The following NFIB variants were observed in gnomAD, a reference collection of about 807,000 sequenced individuals.
NFIB encodes nuclear factor I B.
NFIB carries 11 observed loss-of-function variants against 61.5 expected under a neutral mutation model. The ratio of observed to expected loss-of-function variants is 0.18; its 90% CI spans 0.11 to 0.30. The LOEUF (loss-of-function observed/expected upper bound fraction) is 0.30, where lower values mean the gene tolerates loss of function less well. NFIB is among the 10% of genes least tolerant of loss of function. The pLI is 1.00. For missense variants in NFIB, 471 were observed against 608.9 expected (o/e 0.77, Z 2.38); for synonymous variants, 260 against 216.5 (o/e 1.20, Z -1.76).
chr9:14,406,064 G>T, the NFIB span, among the ~76,000 whole-genome samples: 1 of 152,144 alleles, frequency 6.6e-6, no homozygotes, highest in Non-Finnish European at 1.5e-5. Context: ...AGCCTCCTAG[G>T]AGGGTGTATT....
At chr9:14,114,904 C>T (rs1563798936) in intron 9 of NFIB, among the ~76,000 whole-genome samples, 1 of 152,202 alleles carries the variant, frequency 6.6e-6, no homozygotes, top group Non-Finnish European at 1.5e-5. Flanking sequence ...AAGACATCCA[C>T]TTTTAAAATG....
chr9:14,114,629 C>G (rs939202132), intron 9 of NFIB, among the ~76,000 whole-genome samples: 1 of 152,148 alleles, frequency 6.6e-6, no homozygotes, highest in East Asian at 1.9e-4. Flanking sequence ...CAAATCAGAT[C>G]CCTTTTTGAA....
intron 1 of NFIB, among the ~76,000 whole-genome samples, chr9:14,332,330 CAAA>C (rs5896627): frequency 0.091 from 9,786 of 108,002 alleles, 455 homozygotes; most frequent in African/African-American, 0.18. Context: ...GAGACTCCGT[CAAA>C]AAAAAAAAAA....
At chr9:14,382,251 C>T (rs571253490) in intron 1 of NFIB, among the ~76,000 whole-genome samples, 22 of 152,130 alleles carry the variant, frequency 1.4e-4, no homozygotes, top group South Asian at 6.2e-4. Flanking sequence ...GGCTTCTTGA[C>T]GAGTGGATGA....
the NFIB span, among the ~76,000 whole-genome samples, chr9:14,452,673 T>C: frequency 2.6e-5 from 4 of 152,172 alleles, no homozygotes; most frequent in African/African-American, 9.6e-5. Flanking sequence ...CTAGTAGACA[T>C]GTCTGCTCCT....
At chr9:14,386,919 G>A (rs2078291) in intron 1 of NFIB, among the ~76,000 whole-genome samples, 73,348 of 151,998 alleles carry the variant, frequency 0.48, 19,055 homozygotes, top group Admixed American at 0.58. Flanking sequence ...AAGGAAAGTC[G>A]GTTGCATTTT....
intron 10 of NFIB, among the ~76,000 whole-genome samples, chr9:14,100,527 T>C (rs867650334): frequency 1.7e-4 from 26 of 151,784 alleles, no homozygotes; most frequent in Admixed American, 5.2e-4. Flanking sequence ...GCTAACACAG[T>C]GAAGCCCCGT....
chr9:14,252,761 C>T (rs956507031), intron 2 of NFIB, among the ~76,000 whole-genome samples: 6 of 151,822 alleles, frequency 4.0e-5, no homozygotes, highest in African/African-American at 1.5e-4. Context: ...ACTGATGCAG[C>T]TTTACATGTT....
At chr9:14,150,639 T>G (rs1431865281) in intron 4 of NFIB, among the ~76,000 whole-genome samples, 1 of 152,024 alleles carries the variant, frequency 6.6e-6, no homozygotes, top group Non-Finnish European at 1.5e-5. Flanking sequence ...ACAAGCTGCT[T>G]TGCACTACCT....
In NFIB at chr9:14,120,516, G is replaced by C; in HGVS notation, c.1169C>G (p.Pro390Arg). The C allele has an allele frequency of 6.2e-7, 1 of 1,614,120 alleles. No homozygotes were observed. Among genetic ancestry groups the C allele is most frequent in the East Asian group, 2.2e-5 (1 of 44,866 alleles). ...SYFSHPTIRY[P>R]PHLNPQDTLK... ...AGTATCCTGAGGATTCAGGTGGGGAGGATATCTGATTGTTGGATGAGAAAA... is the reference window on the plus strand; with the variant it reads ...AGTATCCTGAGGATTCAGGTGGGGACGATATCTGATTGTTGGATGAGAAAA... Residue 390 changes from proline (P) to arginine (R), a missense_variant, in exon 8 of 11, where the codon CCT becomes CGT. Coordinates refer to ENST00000380953, the MANE Select transcript of NFIB (RefSeq NM_001190737.2). The surrounding 1 kb of genome is among the most constrained non-coding windows in gnomAD (Gnocchi z 4.4).
the NFIB span, among the ~76,000 whole-genome samples, chr9:14,408,148 T>C: frequency 6.6e-6 from 1 of 152,194 alleles, no homozygotes; most frequent in East Asian, 1.9e-4. Flanking sequence ...AAGATGCACA[T>C]GGCAATAAGG....
At chr9:14,111,926 A>G (rs1315852117) in intron 10 of NFIB, among the ~76,000 whole-genome samples, 1 of 152,172 alleles carries the variant, frequency 6.6e-6, no homozygotes, top group African/African-American at 2.4e-5. Context: ...TTGGGCTGCA[A>G]CTGGAAAGGA....
chr9:14,159,082 G>A, intron 3 of NFIB, among the ~76,000 whole-genome samples: 1 of 152,312 alleles, frequency 6.6e-6, no homozygotes, highest in East Asian at 1.9e-4. Context: ...ATGGAGTGGG[G>A]TGTGAGCCTG....
At chr9:14,141,902 C>CAAAAAAAA (rs1207435536) in intron 6 of NFIB, among the ~76,000 whole-genome samples, 4 of 53,570 alleles carry the variant, frequency 7.5e-5, no homozygotes, top group African/African-American at 1.4e-4. Flanking sequence ...CTGCTGCTCA[C>CAAAAAAAA]AAAAAAAAAA....
chr9:14,457,226 G>T, the NFIB span, among the ~76,000 whole-genome samples: 1 of 152,052 alleles, frequency 6.6e-6, no homozygotes, highest in Non-Finnish European at 1.5e-5. Flanking sequence ...GGATATCCAG[G>T]GAACAGGGTG....
At chr9:14,434,796 A>G in the NFIB span, among the ~76,000 whole-genome samples, 5 of 152,224 alleles carry the variant, frequency 3.3e-5, no homozygotes, top group African/African-American at 1.2e-4. Context: ...CCAAGGGCTG[A>G]AAATCTTAAA....
chr9:14,323,349 G>A lies in NFIB; in HGVS notation c.109-15829C>T, dbSNP rs533662053. ...AGCAAGCAGTTTTGATCAGCATTTT[G>A]GAAACAAATATATGTAGGGGGATTT... On this transcript the variant is annotated intron_variant, in intron 1 of 8. Transcript: ENST00000380934. Among the ~76,000 whole-genome samples the A allele has an allele frequency of 2.6e-5, 4 of 152,142 alleles. No homozygotes were observed. In the South Asian group the frequency reaches 8.3e-4, roughly 32 times the overall value.
the NFIB span, among the ~76,000 whole-genome samples, chr9:14,485,579 A>C: frequency 1.3e-5 from 2 of 152,234 alleles, no homozygotes; most frequent in African/African-American, 2.4e-5. Context: ...GATGACTAAT[A>C]CAACACAGTC....
chr9:14,114,441 A>G (rs1423596650), intron 9 of NFIB, among the ~76,000 whole-genome samples: 1 of 152,180 alleles, frequency 6.6e-6, no homozygotes, highest in Non-Finnish European at 1.5e-5. Context: ...GTACTATATC[A>G]ATTCAATGAC....
Sources: gnomAD v4.1 joint callset for allele counts (sites outside exome capture counted in the v4.1 genomes callset) on GRCh38, gnomAD v4.1.1 for gene constraint, Gnocchi (gnomAD v3.1) non-coding constraint, MANE v1.5 for transcripts, NCBI Gene and HGNC (gene_info 2026-07-23, HGNC 2026-07-21) for gene names.